Variants in ATP6V1E1 observed in about 807,000 individuals in gnomAD.
The protein encoded by ATP6V1E1 is ATPase H+ transporting V1 subunit E1, also known as V-type proton ATPase subunit E 1.
ATP6V1E1 carries 21 observed loss-of-function variants against 35.2 expected under a neutral mutation model. The ratio of observed to expected loss-of-function variants is 0.60; its 90% CI spans 0.42 to 0.86. ATP6V1E1 has a LOEUF of 0.86. Among genes scored for constraint, ATP6V1E1 ranks in the 40% least tolerant of loss-of-function variants. The probability of loss-of-function intolerance (pLI) is 0.00; values close to 1 mark genes in which losing one functional copy is unlikely to be tolerated. For missense variants in ATP6V1E1, 183 were observed against 272.6 expected (o/e 0.67, Z 2.32); for synonymous variants, 83 against 87.8 (o/e 0.95, Z 0.30).
intron 4 of ATP6V1E1, among the ~76,000 whole-genome samples, chr22:17,610,516 AAAAC>A (rs1378178603): frequency 6.6e-6 from 1 of 152,086 alleles, no homozygotes; most frequent in East Asian, 1.9e-4. Context: ...GGTGGCATAA[AAAAC>A]AAACCAAATA....
chr22:17,605,403 G>A (rs1874426750), intron 4 of ATP6V1E1, among the ~76,000 whole-genome samples: 1 of 148,390 alleles, frequency 6.7e-6, no homozygotes, highest in African/African-American at 2.5e-5. Context: ...GGTGGCACAT[G>A]CCTGTAATCC....
Position 17,600,825 on chromosome 22 carries a change from T to C in ATP6V1E1, c.366+267A>G, listed in dbSNP as rs714504. 0.13 allele frequency: 31,708 copies of C among 244,092 alleles called. 2,330 individuals carry two copies. Among genetic ancestry groups the C allele is most frequent in the Middle Eastern group, 0.19 (141 of 730 alleles). The allele number at this position is 244,092 out of a possible 1,614,324, so 15.1% of individuals were successfully genotyped here. A position where few individuals can be genotyped will look rare whatever the true frequency, so the allele number is the denominator to read the frequency against. On this transcript the variant is annotated intron_variant, in intron 5 of 8. Coordinates refer to ENST00000253413, the MANE Select transcript of ATP6V1E1 (RefSeq NM_001696.4). The stretch of plus-strand genomic sequence containing the variant: ...TTTAAAGCTAGCCATTGCAAGCAAA[T>C]TTGACCCTTAAGTCATGTAAGACTA...
Position 17,600,059 on chromosome 22 carries a change from G to T in ATP6V1E1, c.403C>A (p.Arg135Ser), listed in dbSNP as rs775186565. 3 of 1,613,822 alleles carry T rather than the reference G, an allele frequency of 1.9e-6. No homozygotes were observed. In the South Asian group the frequency reaches 3.3e-5, roughly 18 times the overall value. The change falls in exon 6 of 9, where the codon CGT becomes AGT. Residue 135 changes from arginine (R) to serine (S), a missense_variant. Coordinates refer to ENST00000253413, the MANE Select transcript of ATP6V1E1 (RefSeq NM_001696.4). ...AGAGGGAAATCTTGTTTCCTGCAAC[G>T]AACAATCATTCGGGGCTCCAGCAAC... is the stretch of plus-strand genomic sequence containing the variant. ...YQLLEPRMIV[R>S]CRKQDFPLVK...
intron 8 of ATP6V1E1, among the ~76,000 whole-genome samples, chr22:17,594,002 A>T (rs991210962): frequency 4.6e-5 from 7 of 152,230 alleles, no homozygotes; most frequent in African/African-American, 1.7e-4. Flanking sequence ...CAGGAATTTG[A>T]TAACAGCCTG....
rs574647467 is a variant in ATP6V1E1 at position 17,627,273 on chromosome 22, G to A, written c.33+1330C>T. On this transcript the variant is annotated intron_variant, in intron 1 of 8. Transcript: ENST00000253413. ...CTCCCGAGTAGCTGGGACTACAGGC[G>A]CCCGCCACCATGCCCGGCTAATTTT... Among the ~76,000 whole-genome samples the A allele has an allele frequency of 5.3e-4, 81 of 151,668 alleles. 1 individual carries two copies. The East Asian group carries it at 0.013, about 25-fold the overall frequency.
rs185848550 is a variant in ATP6V1E1, at chr22:17,599,327, A to C, written c.435+700T>G. Among the ~76,000 whole-genome samples, 681 of 151,802 alleles carry C rather than the reference A, an allele frequency of 4.5e-3. 6 individuals are homozygous for C. The highest frequency in any genetic ancestry group is 0.016 in the African/African-American group (660 of 41,414). On this transcript the variant is annotated intron_variant, in intron 6 of 8. Coordinates refer to ENST00000253413, the MANE Select transcript of ATP6V1E1 (RefSeq NM_001696.4). ...CACGGTGGCTCGCACCTGTAATCCCAACACTTTGGGAGGCTGAGACAGGCA... is the reference window on the plus strand; with the variant it reads ...CACGGTGGCTCGCACCTGTAATCCCCACACTTTGGGAGGCTGAGACAGGCA...
intron 1 of ATP6V1E1, among the ~76,000 whole-genome samples, chr22:17,620,170 CAG>C (rs1411517102): frequency 2.1e-5 from 3 of 141,010 alleles, no homozygotes; most frequent in Admixed American, 1.5e-4. Context: ...TTTTTTGAGA[CAG>C]AGTCTCGCTC....
intron 2 of ATP6V1E1, among the ~76,000 whole-genome samples, chr22:17,614,756 CAGG>C (rs1361539840): frequency 1.3e-5 from 2 of 151,402 alleles, no homozygotes; most frequent in East Asian, 3.9e-4. Context: ...ATCATGAGGT[CAGG>C]AGATCGAGAC....
rs1463572871 is a variant in ATP6V1E1 at position 17,616,635 on chromosome 22, C to T, written c.99+2826G>A. ...CGGAGGTTGTGGTGAGCTGAGATCG[C>T]GCCACTGCACTCCAGTCTGGGCAAC... On this transcript the variant is annotated intron_variant, in intron 2 of 8. Coordinates refer to ENST00000253413, the MANE Select transcript of ATP6V1E1 (RefSeq NM_001696.4). Among the ~76,000 whole-genome samples the T allele has an allele frequency of 2.7e-5, 4 of 147,266 alleles. No homozygotes were observed. The East Asian group carries it at 6.0e-4, about 22-fold the overall frequency.
At chr22:17,601,898 C>A (rs964114726) in intron 4 of ATP6V1E1, among the ~76,000 whole-genome samples, 100 of 137,834 alleles carry the variant, frequency 7.3e-4, no homozygotes, top group African/African-American at 2.7e-3. Flanking sequence ...TGAGCCACCG[C>A]CCTCAGCCCT....
At chr22:17,610,397 T>C (rs1489315543) in intron 4 of ATP6V1E1, among the ~76,000 whole-genome samples, 1 of 152,178 alleles carries the variant, frequency 6.6e-6, no homozygotes, top group Non-Finnish European at 1.5e-5. Flanking sequence ...CGGTATACCA[T>C]CTAAGGCAGG....
At chr22:17,619,880 C>T (rs1256862642) in intron 1 of ATP6V1E1, among the ~76,000 whole-genome samples, 1 of 152,042 alleles carries the variant, frequency 6.6e-6, no homozygotes, top group Non-Finnish European at 1.5e-5. Context: ...ATAAATAGGA[C>T]CTTCATCCTC....
chr22:17,599,434 G>A (rs1171207779), intron 6 of ATP6V1E1, among the ~76,000 whole-genome samples: 1 of 151,472 alleles, frequency 6.6e-6, no homozygotes, highest in African/African-American at 2.4e-5. Flanking sequence ...AAATTAGCCA[G>A]GCATGGTGGT....
chr22:17,614,488 C>A (rs2057831970), intron 2 of ATP6V1E1, among the ~76,000 whole-genome samples: 1 of 144,564 alleles, frequency 6.9e-6, no homozygotes. Context: ...GAAATCCCAT[C>A]TCTACTAAAA....
upstream of ATP6V1E1, chr22:17,628,807 C>G: frequency 1.2e-6 from 1 of 855,296 alleles, no homozygotes. Flanking sequence ...TGACCCTTCT[C>G]AGCCAATGGG....
At chr22:17,620,085 T>C (rs565477355) in intron 1 of ATP6V1E1, among the ~76,000 whole-genome samples, 1 of 152,252 alleles carries the variant, frequency 6.6e-6, no homozygotes, top group East Asian at 1.9e-4. Flanking sequence ...TCCTCGCCCC[T>C]TGATCTTGGC....
rs1441893334 is a variant in ATP6V1E1 at position 17,601,176 on chromosome 22, T to C, written c.282A>G (p.Leu94=). ...TGAGTCTCTGTTTTGCTTCATTTAG[T>C]AGGTCCTACAAAGATTAGAAAAGAT... The part of the protein sequence containing the change: ...LRARDDLITD[L]LNEAKQRLSK... The change falls in exon 5 of 9, where the codon CTA becomes CTG. Residue 94 remains leucine, a synonymous_variant. Coordinates refer to ENST00000253413, the MANE Select transcript of ATP6V1E1 (RefSeq NM_001696.4). The C allele has an allele frequency of 1.6e-5, 26 of 1,613,084 alleles. No homozygotes were observed. Among genetic ancestry groups the C allele is most frequent in the Non-Finnish European group, 2.0e-5 (24 of 1,179,288 alleles).
At chr22:17,614,170 G>A (rs1003074247) in intron 2 of ATP6V1E1, among the ~76,000 whole-genome samples, 2 of 152,004 alleles carry the variant, frequency 1.3e-5, no homozygotes, top group Non-Finnish European at 2.9e-5. Flanking sequence ...GATCAACATA[G>A]AGAAACCTCG....
intron 1 of ATP6V1E1, among the ~76,000 whole-genome samples, chr22:17,628,123 G>A (rs1403170819): frequency 6.6e-6 from 1 of 151,706 alleles, no homozygotes; most frequent in African/African-American, 2.4e-5. Context: ...GCGCCACCAC[G>A]TCCGGCTAAT....
Sources: allele counts gnomAD v4.1 joint callset (sites outside exome capture counted in the v4.1 genomes callset), GRCh38; gene constraint gnomAD v4.1.1; transcripts MANE v1.5; gene names NCBI Gene and HGNC (gene_info 2026-07-23, HGNC 2026-07-21).